MRAS: variants seen among roughly 807,000 people sequenced by gnomAD.
The protein encoded by MRAS is ras-related protein M-Ras.
Under a neutral mutation model 20.9 loss-of-function variants are expected in MRAS, and 4 were observed. That is an observed-to-expected ratio of 0.19 (90% confidence interval 0.09 to 0.44). The LOEUF is 0.44. Among genes scored for constraint, MRAS ranks in the 20% least tolerant of loss-of-function variants. The pLI, the probability that MRAS is intolerant of heterozygous loss-of-function variation, is 0.99. For missense variants in MRAS, 154 were observed against 277.5 expected, an observed-to-expected ratio of 0.56 and a Z score of 3.16; for synonymous variants, 98 against 102.9, an observed-to-expected ratio of 0.95 and a Z score of 0.29.
intron 2 of MRAS, among the ~76,000 whole-genome samples, chr3:138,379,205 T>G (rs2054848535): frequency 2.0e-5 from 3 of 152,218 alleles, no homozygotes; most frequent in South Asian, 4.2e-4. Flanking sequence ...GCCTTTGATG[T>G]CAATCATTCC....
At chr3:138,399,050 T>A (rs2055303575) in intron 4 of MRAS, among the ~76,000 whole-genome samples, 1 of 152,246 alleles carries the variant, frequency 6.6e-6, no homozygotes, top group Admixed American at 6.5e-5. Flanking sequence ...CAGGGGCATC[T>A]GCCATGGCCG....
At chr3:138,395,737 T>G (rs2055222936) in intron 2 of MRAS, among the ~76,000 whole-genome samples, 2 of 152,184 alleles carry the variant, frequency 1.3e-5, no homozygotes, top group Admixed American at 6.5e-5. Flanking sequence ...CTGTCTTGCT[T>G]CTAGATGGTG....
At chr3:138,394,134 G>A (rs923031674) in intron 2 of MRAS, among the ~76,000 whole-genome samples, 3 of 151,314 alleles carry the variant, frequency 2.0e-5, no homozygotes, top group Admixed American at 2.0e-4. Context: ...CCAGTTGAAG[G>A]TGCAGTCTTC....
intron 2 of MRAS, among the ~76,000 whole-genome samples, chr3:138,376,113 A>G (rs922389092): frequency 6.6e-6 from 1 of 152,224 alleles, no homozygotes; most frequent in African/African-American, 2.4e-5. Flanking sequence ...CCGTCCTCCA[A>G]GGGTTTGTCT....
At chr3:138,390,480 C>G (rs932344290) in intron 2 of MRAS, among the ~76,000 whole-genome samples, 1 of 152,218 alleles carries the variant, frequency 6.6e-6, no homozygotes, top group Non-Finnish European at 1.5e-5. Flanking sequence ...GGCAGCATAC[C>G]TCTTCTCCCA....
chr3:138,367,653 G>A (rs533671995), intron 1 of MRAS, among the ~76,000 whole-genome samples: 1 of 152,188 alleles, frequency 6.6e-6, no homozygotes, highest in South Asian at 2.1e-4. Context: ...GTAGAAGGCC[G>A]CACTGGGAAA....
chr3:138,371,167 A>G (rs1167650612), intron 1 of MRAS, among the ~76,000 whole-genome samples: 1 of 152,218 alleles, frequency 6.6e-6, no homozygotes, highest in Non-Finnish European at 1.5e-5. Context: ...AGTATAGCCT[A>G]GGCAGATTTG....
In MRAS at chr3:138,404,536, C is replaced by A. The variant is rs1049425636; in HGVS notation, c.*2267C>A. 39 of 152,278 alleles carry A rather than the reference C, an allele frequency of 2.6e-4. No homozygotes were observed. Among genetic ancestry groups the A allele is most frequent in the African/African-American group, 9.4e-4 (39 of 41,440 alleles). 9.4% of individuals were successfully genotyped at this position (152,278 alleles called of 1,614,324 possible). ...GGACAGAAGGGACAGTGCATCTGTT[C>A]ATCCATCCTGCACTTGGCCCACGTT... On this transcript the variant is annotated 3_prime_UTR_variant, in exon 6 of 6. Coordinates refer to ENST00000423968, the MANE Select transcript of MRAS (RefSeq NM_001085049.3).
chr3:138,401,725 A>G (rs1311924609), intron 5 of MRAS, among the ~76,000 whole-genome samples: 3 of 152,236 alleles, frequency 2.0e-5, no homozygotes, highest in African/African-American at 4.8e-5. Flanking sequence ...TTGTGAACCT[A>G]TAGTGCCAAG....
intron 5 of MRAS, among the ~76,000 whole-genome samples, chr3:138,401,860 G>A (rs1278251781): frequency 2.6e-5 from 4 of 152,186 alleles, no homozygotes; most frequent in African/African-American, 9.6e-5. Flanking sequence ...AAGACAAAAC[G>A]TGATGTAGCT....
chr3:138,365,785 G>C (rs963035639), intron 1 of MRAS, among the ~76,000 whole-genome samples: 2 of 152,214 alleles, frequency 1.3e-5, no homozygotes, highest in Non-Finnish European at 2.9e-5. Flanking sequence ...GCTGCCAAGA[G>C]TACTGTGTTG....
At chr3:138,385,819 T>C (rs1307112316) in intron 2 of MRAS, among the ~76,000 whole-genome samples, 1 of 152,148 alleles carries the variant, frequency 6.6e-6, no homozygotes, top group East Asian at 1.9e-4. Context: ...CAGGCCAATG[T>C]ATTTTTGTTT....
chr3:138,348,488 G>C (rs2054159578), upstream of MRAS: 1 of 152,042 alleles, frequency 6.6e-6, no homozygotes, highest in African/African-American at 2.4e-5. Flanking sequence ...GAGGCACCCG[G>C]CCCGGGCTCC....
chr3:138,396,878 C>T (rs1194881762), intron 2 of MRAS, among the ~76,000 whole-genome samples: 5 of 152,090 alleles, frequency 3.3e-5, no homozygotes, highest in Admixed American at 3.3e-4. Context: ...AAGGTAGAGG[C>T]ACGGTTTTCA....
intron 2 of MRAS, among the ~76,000 whole-genome samples, chr3:138,376,125 C>A (rs2054779243): frequency 6.6e-6 from 1 of 152,204 alleles, no homozygotes; most frequent in Non-Finnish European, 1.5e-5. Context: ...GGTTTGTCTG[C>A]AGCCCTGGGA....
chr3:138,375,071 T>C (rs1314593846), intron 2 of MRAS, among the ~76,000 whole-genome samples: 2 of 152,078 alleles, frequency 1.3e-5, no homozygotes, highest in Non-Finnish European at 2.9e-5. Context: ...TTGTGAAGAT[T>C]GGGGGGAATC....
intron 2 of MRAS, among the ~76,000 whole-genome samples, chr3:138,376,552 G>C (rs975113405): frequency 6.6e-6 from 1 of 152,154 alleles, no homozygotes; most frequent in Admixed American, 6.5e-5. Flanking sequence ...AACAATATAT[G>C]TGTAGTGAAA....
At chr3:138,358,212 C>G (rs548418304) in intron 1 of MRAS, among the ~76,000 whole-genome samples, 3 of 152,096 alleles carry the variant, frequency 2.0e-5, no homozygotes, top group Admixed American at 2.0e-4. Context: ...TGGCATGTTC[C>G]TGTAGTAACA....
At chr3:138,375,091 C>T (rs1008275492) in intron 2 of MRAS, among the ~76,000 whole-genome samples, 6 of 152,218 alleles carry the variant, frequency 3.9e-5, no homozygotes, top group African/African-American at 1.2e-4. Context: ...CTCCCATTGT[C>T]GCCCAGGCTG....
Sources: allele counts gnomAD v4.1 joint callset (sites outside exome capture counted in the v4.1 genomes callset), GRCh38; gene constraint gnomAD v4.1.1; transcripts MANE v1.5; gene names NCBI Gene and HGNC (gene_info 2026-07-23, HGNC 2026-07-21).